Variants in SAG observed in about 807,000 individuals in gnomAD.
SAG encodes the protein S-arrestin.
Under a neutral mutation model 55.0 loss-of-function variants are expected in SAG, and 45 were observed. The ratio of observed to expected loss-of-function variants is 0.82; its 90% CI spans 0.64 to 1.05. SAG has a LOEUF of 1.05. SAG is among the 50% of genes least tolerant of loss of function. SAG has a pLI of 0.00. For synonymous variants in SAG, 189 were observed against 197.4 expected (o/e 0.96, Z 0.36); for missense variants, 455 against 512.1 (o/e 0.89, Z 1.08).
rs956321416 is a variant in SAG at position 233,319,523 on chromosome 2, A to G, written c.181+728A>G. ...CTTTTTGAGTGTTGCTACTGGCAAC[A>G]TCAAGGAATTGTTCAGAACCCTGGA... On this transcript the variant is annotated intron_variant, in intron 4 of 15. Transcript: ENST00000409110. This position sits in a 1 kb window ranked among gnomAD's most constrained non-coding sequence, Gnocchi z 4.4. The G allele has an allele frequency of 2.1e-6, 2 of 938,426 alleles. No individual in the cohort carries two copies. The highest frequency in any genetic ancestry group is 5.5e-5 in the Admixed American group (1 of 18,080). 58.1% of individuals were successfully genotyped at this position (938,426 alleles called of 1,614,324 possible). A position where few individuals can be genotyped will look rare whatever the true frequency, so the allele number is the denominator to read the frequency against.
intron 12 of SAG, chr2:233,338,983 C>G (rs1701020647): frequency 1.6e-6 from 1 of 618,224 alleles, no homozygotes; most frequent in Non-Finnish European, 3.0e-6. Context: ...TGTGTGCATT[C>G]TTAGCGCCAC....
rs764670195 is a variant in SAG at position 233,342,340 on chromosome 2, T to A, written c.1102+14T>A. Reference sequence around the variant, plus strand: ...CTGAGGACCCAGGTCAGTTATGTCCTTTTTTAGCTTTCTTTAATTATTTGC... The same window carrying A: ...CTGAGGACCCAGGTCAGTTATGTCCATTTTTAGCTTTCTTTAATTATTTGC... On this transcript the variant is annotated intron_variant, in intron 14 of 15. Transcript: ENST00000409110. 2 of 1,583,288 alleles carry A rather than the reference T, an allele frequency of 1.3e-6. No individual in the cohort carries two copies. The highest frequency in any genetic ancestry group is 2.3e-5 in the South Asian group (2 of 87,874).
At chr2:233,309,043 G>A (rs935090781) in intron 1 of SAG, 119 bp from the exon 2 acceptor site, 13 of 603,262 alleles carry the variant, frequency 2.2e-5, no homozygotes, top group South Asian at 1.8e-4. Context: ...CCGGTACAAG[G>A]GCATGGTGAG....
intron 12 of SAG, 176 bp downstream of exon 12, chr2:233,338,929 G>A (rs549323975): frequency 1.1e-5 from 8 of 702,514 alleles, no homozygotes; most frequent in Admixed American, 2.0e-5. Context: ...GCTTCTGTCT[G>A]ATAAAATGTC....
chr2:233,327,274 G>T (rs908672907), intron 7 of SAG, 77 bp downstream of exon 7: 1 of 1,210,494 alleles, frequency 8.3e-7, no homozygotes, highest in African/African-American at 1.5e-5. Flanking sequence ...CCTTGTCTCT[G>T]TGGGACAGAC....
At chr2:233,327,041 T>C (rs530434135) in intron 6 of SAG, 80 bp from the exon 7 acceptor site, 6 of 1,008,040 alleles carry the variant, frequency 6.0e-6, no homozygotes, top group South Asian at 3.9e-5. Flanking sequence ...TCATGTGCCC[T>C]GTGTGAGGTG....
intron 2 of SAG, among the ~76,000 whole-genome samples, chr2:233,314,153 C>T (rs532978046): frequency 1.3e-5 from 2 of 151,106 alleles, no homozygotes; most frequent in South Asian, 2.1e-4. Flanking sequence ...TCCTGGGAAG[C>T]AGGGGTTGCA....
chr2:233,336,051 C>T (rs1485974292), intron 11 of SAG, among the ~76,000 whole-genome samples: 1 of 152,182 alleles, frequency 6.6e-6, no homozygotes, highest in African/African-American at 2.4e-5. Context: ...GATAATTGGC[C>T]AAGTTACTGT....
chr2:233,315,831 T>C (rs1288094086), intron 2 of SAG, among the ~76,000 whole-genome samples: 1 of 151,730 alleles, frequency 6.6e-6, no homozygotes, highest in African/African-American at 2.4e-5. Context: ...GCCTCTTGAG[T>C]AGCTGGGACT....
chr2:233,343,642 G>A (rs1701171439), intron 14 of SAG: 2 of 1,257,170 alleles, frequency 1.6e-6, no homozygotes, highest in African/African-American at 3.1e-5. Context: ...AAATGAAGCA[G>A]CAAAAATAAT....
intron 14 of SAG, chr2:233,343,744 A>C: frequency 1.7e-6 from 2 of 1,150,720 alleles, no homozygotes; most frequent in Non-Finnish European, 2.2e-6. Context: ...CTAAATGAGA[A>C]CTCTCCGTAG....
intron 11 of SAG, among the ~76,000 whole-genome samples, chr2:233,335,696 A>T (rs1163611482): frequency 6.6e-6 from 1 of 152,224 alleles, no homozygotes; most frequent in Non-Finnish European, 1.5e-5. Context: ...GCTGACCCTG[A>T]CTCAAAGGAC....
chr2:233,326,257 G>T (rs896478993), intron 6 of SAG, among the ~76,000 whole-genome samples: 2 of 152,150 alleles, frequency 1.3e-5, no homozygotes, highest in Non-Finnish European at 2.9e-5. Flanking sequence ...AAAACTAGGA[G>T]ATTTCACTCC....
At chr2:233,326,089 C>G (rs1700545027) in intron 6 of SAG, among the ~76,000 whole-genome samples, 2 of 152,246 alleles carry the variant, frequency 1.3e-5, no homozygotes, top group Middle Eastern at 3.4e-3. Context: ...GTGCCCTCCT[C>G]TGGCTCCCCA....
intron 14 of SAG, 114 bp from the exon 15 acceptor site, chr2:233,346,289 T>C (rs1273805006): frequency 5.2e-6 from 6 of 1,156,922 alleles, no homozygotes; most frequent in Non-Finnish European, 6.5e-6. Flanking sequence ...TCTCTCAAAT[T>C]GTAAAGTCAC....
chr2:233,346,981 A>C lies in SAG; in HGVS notation c.*69A>C. Reference sequence around the variant, plus strand: ...TGCAACGAGCAAAGCCCCACAGTTTAGTCCTTTGGAGTTATGCTGCGTATG... The same window carrying C: ...TGCAACGAGCAAAGCCCCACAGTTTCGTCCTTTGGAGTTATGCTGCGTATG... On this transcript the variant is annotated 3_prime_UTR_variant, in exon 16 of 16. Transcript: ENST00000409110. The C allele has an allele frequency of 1.2e-6, 1 of 813,082 alleles. No homozygotes were observed. The highest frequency in any genetic ancestry group is 2.0e-6 in the Non-Finnish European group (1 of 488,116). The allele number at this position is 813,082 out of a possible 1,614,324, so 50.4% of individuals were successfully genotyped here.
intron 14 of SAG, chr2:233,343,796 A>T: frequency 9.8e-7 from 1 of 1,015,830 alleles, no homozygotes; most frequent in Non-Finnish European, 1.2e-6. Context: ...TGGTATAAAC[A>T]AGCAGGGTTT....
chr2:233,337,299 C>T (rs1481257179), intron 11 of SAG, among the ~76,000 whole-genome samples: 9 of 151,970 alleles, frequency 5.9e-5, no homozygotes, highest in African/African-American at 9.7e-5. Context: ...AGTGCAGTAG[C>T]GCGTTCTTGG....
chr2:233,346,228 G>GGA (rs1431019952), intron 14 of SAG, 175 bp from the exon 15 acceptor site: 1 of 486,500 alleles, frequency 2.1e-6, no homozygotes, highest in Non-Finnish European at 3.6e-6. Context: ...GGAAAGGCAG[G>GGA]GAGGCAGGAA....
Sources: allele counts gnomAD v4.1 joint callset (sites outside exome capture counted in the v4.1 genomes callset), GRCh38; gene constraint gnomAD v4.1.1; non-coding constraint Gnocchi (gnomAD v3.1); transcripts MANE v1.5; gene names NCBI Gene and HGNC (gene_info 2026-07-23, HGNC 2026-07-21).